STPG2: variants seen among roughly 807,000 people sequenced by gnomAD.
STPG2 encodes sperm-tail PG-rich repeat-containing protein 2.
A neutral mutation model predicts 54.2 loss-of-function variants in STPG2; 56 were observed. That is an observed-to-expected ratio of 1.03 (90% CI 0.83 to 1.29). STPG2 has a LOEUF of 1.29. STPG2 is among the 50% of genes most tolerant of loss of function. STPG2 has a pLI of 0.00. For synonymous variants in STPG2, 200 were observed against 181.8 expected (o/e 1.10, Z -0.81); for missense variants, 596 against 544.9 (o/e 1.09, Z -0.93).
chr4:97,552,331 TAA>T (rs1351599514), intron 4 of STPG2, among the ~76,000 whole-genome samples: 2 of 152,054 alleles, frequency 1.3e-5, no homozygotes, highest in African/African-American at 4.8e-5. Context: ...TTACATAGGA[TAA>T]GTGCCAAAAA....
At chr4:97,615,734 T>A (rs1733844559) in intron 10 of STPG2, among the ~76,000 whole-genome samples, 1 of 151,890 alleles carries the variant, frequency 6.6e-6, no homozygotes, top group Non-Finnish European at 1.5e-5. Flanking sequence ...AATGAAAAGC[T>A]GTGTACCATT....
intron 9 of STPG2, among the ~76,000 whole-genome samples, chr4:97,722,926 T>C (rs1724498411): frequency 6.6e-6 from 1 of 150,884 alleles, no homozygotes; most frequent in East Asian, 2.0e-4. Context: ...GCCTCCTGAG[T>C]AGCTGGGACT....
At chr4:97,882,036 C>A (rs145422692) in intron 8 of STPG2, among the ~76,000 whole-genome samples, 19 of 151,742 alleles carry the variant, frequency 1.3e-4, no homozygotes, top group Admixed American at 2.6e-4. Context: ...CACACACACA[C>A]AAAAAAAATA....
intron 4 of STPG2, among the ~76,000 whole-genome samples, chr4:97,517,592 T>G (rs78617229): frequency 7.5e-6 from 1 of 133,526 alleles, no homozygotes; most frequent in Non-Finnish European, 1.7e-5. Context: ...CTTTGTATGT[T>G]CTTAGTGTCA....
At chr4:97,962,850 C>T (rs779356724) in intron 7 of STPG2, among the ~76,000 whole-genome samples, 1 of 152,168 alleles carries the variant, frequency 6.6e-6, no homozygotes, top group Non-Finnish European at 1.5e-5. Context: ...TTCTCAATAT[C>T]TACAGTGAAG....
At chr4:97,666,383 G>T (rs1722526291) in intron 10 of STPG2, among the ~76,000 whole-genome samples, 1 of 152,150 alleles carries the variant, frequency 6.6e-6, no homozygotes, top group Non-Finnish European at 1.5e-5. Context: ...ATGTTACCAT[G>T]CAACTCTCTC....
intron 3 of STPG2, among the ~76,000 whole-genome samples, chr4:98,111,128 C>A (rs2110146117): frequency 6.6e-6 from 1 of 151,988 alleles, no homozygotes; most frequent in South Asian, 2.1e-4. Context: ...CACTTAACAT[C>A]CCCAGAACCA....
At chr4:97,467,331 G>A (rs1343214829) in intron 4 of STPG2, among the ~76,000 whole-genome samples, 1 of 151,564 alleles carries the variant, frequency 6.6e-6, no homozygotes, top group African/African-American at 2.4e-5. Context: ...TGGGTAAAAA[G>A]CATATAAATT....
intron 10 of STPG2, among the ~76,000 whole-genome samples, chr4:97,623,478 T>A (rs1325391557): frequency 6.6e-6 from 1 of 152,164 alleles, no homozygotes; most frequent in Middle Eastern, 3.4e-3. Context: ...AAGACATACA[T>A]GTGGCCAACA....
intron 5 of STPG2, among the ~76,000 whole-genome samples, chr4:98,014,029 T>C (rs1241971341): frequency 6.6e-6 from 1 of 152,126 alleles, no homozygotes; most frequent in Non-Finnish European, 1.5e-5. Context: ...ATTTGTTTGC[T>C]CTTGCTTCTC....
At chr4:97,645,368 C>T (rs1475117105) in intron 10 of STPG2, among the ~76,000 whole-genome samples, 1 of 151,180 alleles carries the variant, frequency 6.6e-6, no homozygotes. Flanking sequence ...TGGTGTTCCT[C>T]AGATAAAGGA....
chr4:97,711,480 T>C (rs112008160), intron 10 of STPG2, among the ~76,000 whole-genome samples: 6 of 152,218 alleles, frequency 3.9e-5, no homozygotes, highest in African/African-American at 1.4e-4. Context: ...CAAGAGATTC[T>C]CCCTTTCTGA....
At chr4:97,712,478 ATATT>A (rs1406971602) in intron 10 of STPG2, among the ~76,000 whole-genome samples, 5 of 152,160 alleles carry the variant, frequency 3.3e-5, no homozygotes, top group African/African-American at 1.2e-4. Context: ...ACTGCAAAGC[ATATT>A]TAGAGATAGA....
chr4:97,729,885 T>A (rs961678212), intron 9 of STPG2, among the ~76,000 whole-genome samples: 1 of 152,226 alleles, frequency 6.6e-6, no homozygotes, highest in African/African-American at 2.4e-5. Context: ...TTTCAGATAG[T>A]TTGCTGTTAT....
intron 9 of STPG2, among the ~76,000 whole-genome samples, chr4:97,824,144 G>A (rs537012678): frequency 2.6e-5 from 4 of 152,194 alleles, no homozygotes; most frequent in East Asian, 1.9e-4. Context: ...GAGAGTTGAC[G>A]GGGCTGCTGG....
intron 10 of STPG2, among the ~76,000 whole-genome samples, chr4:97,597,423 C>A (rs1733327719): frequency 6.6e-6 from 1 of 152,046 alleles, no homozygotes; most frequent in Admixed American, 6.6e-5. Context: ...CCAGCATCAT[C>A]CTGATACCAA....
At chr4:97,813,348 T>C (rs1204730336) in intron 9 of STPG2, among the ~76,000 whole-genome samples, 2 of 152,098 alleles carry the variant, frequency 1.3e-5, no homozygotes, top group South Asian at 2.1e-4. Context: ...AATTAACCTG[T>C]GTAACAAAGC....
intron 5 of STPG2, among the ~76,000 whole-genome samples, chr4:98,025,214 A>G (rs1736374443): frequency 6.6e-6 from 1 of 152,244 alleles, no homozygotes; most frequent in South Asian, 2.1e-4. Context: ...TCTCCTCGTA[A>G]GGAAAGTATC....
At chr4:97,447,292 T>G (rs1335135318) in intron 4 of STPG2, among the ~76,000 whole-genome samples, 1 of 152,204 alleles carries the variant, frequency 6.6e-6, no homozygotes, top group Non-Finnish European at 1.5e-5. Context: ...ATTTGCAGCC[T>G]TACCATGTAG....
Sources: allele counts gnomAD v4.1 joint callset (sites outside exome capture counted in the v4.1 genomes callset), GRCh38; gene constraint gnomAD v4.1.1; transcripts MANE v1.5; gene names NCBI Gene and HGNC (gene_info 2026-07-23, HGNC 2026-07-21).